PLCH1: variants seen among roughly 807,000 people sequenced by gnomAD.
PLCH1 encodes phospholipase C eta 1, also known as 1-phosphatidylinositol 4,5-bisphosphate phosphodiesterase eta-1.
A neutral mutation model predicts 126.7 loss-of-function variants in PLCH1; 60 were observed. The observed-to-expected ratio is 0.47, with a 90% CI of 0.38 to 0.59. The LOEUF is 0.59. PLCH1 is among the 20% of genes least tolerant of loss of function. PLCH1 has a pLI of 0.00. For synonymous variants in PLCH1, 719 were observed against 734.9 expected (o/e 0.98, Z 0.35); for missense variants, 1,723 against 2,040.0 (o/e 0.84, Z 2.99).
chr3:155,580,086 C>T (rs2108579369), intron 6 of PLCH1, among the ~76,000 whole-genome samples: 1 of 152,258 alleles, frequency 6.6e-6, no homozygotes, highest in Non-Finnish European at 1.5e-5. Context: ...GTTAATCAAA[C>T]CAACATTAAC....
At chr3:155,483,492 C>T (rs1560048082) in intron 22 of PLCH1, 2 of 510,950 alleles carry the variant, frequency 3.9e-6, no homozygotes, top group East Asian at 3.5e-5. Context: ...TTAGTTAAAA[C>T]AAAAAAAGAA....
intron 11 of PLCH1, among the ~76,000 whole-genome samples, chr3:155,521,201 ACT>A (rs1420502033): frequency 6.6e-6 from 1 of 152,010 alleles, no homozygotes; most frequent in Non-Finnish European, 1.5e-5. Context: ...ACACACACAC[ACT>A]TTTTTCCTTT....
chr3:155,638,897 A>C (rs1739048973), intron 2 of PLCH1, among the ~76,000 whole-genome samples: 1 of 152,222 alleles, frequency 6.6e-6, no homozygotes, highest in Non-Finnish European at 1.5e-5. Context: ...TTGGAACAAG[A>C]TCTGGGGGAA....
At chr3:155,574,337 T>A (rs1018682994) in intron 6 of PLCH1, among the ~76,000 whole-genome samples, 1 of 152,234 alleles carries the variant, frequency 6.6e-6, no homozygotes. Flanking sequence ...AACCAATGCT[T>A]GTTTTCAACC....
Position 155,481,241 on chromosome 3 carries a change from T to C in PLCH1, c.4785A>G (p.Lys1595=). The part of the protein sequence containing the change: ...AKEKQEANKQ[K]VPNPSNGAGV... ...CTGCCCCATTGCTGGGGTTTGGAACTTTCTGCTTGTTGGCTTCCTGTTTCT... is the reference window on the plus strand; with the variant it reads ...CTGCCCCATTGCTGGGGTTTGGAACCTTCTGCTTGTTGGCTTCCTGTTTCT... The change falls in exon 23 of 23, where the codon AAA becomes AAG. Residue 1595 remains lysine (K), a synonymous_variant. Coordinates refer to ENST00000460012, the MANE Select transcript of PLCH1 (RefSeq NM_014996.4). This position sits in a 1 kb window ranked among gnomAD's most constrained non-coding sequence, Gnocchi z 4.2. 2 of 1,614,228 alleles carry C rather than the reference T, an allele frequency of 1.2e-6. No homozygotes were observed. The highest frequency in any genetic ancestry group is 1.7e-6 in the Non-Finnish European group (2 of 1,180,046).
chr3:155,666,217 G>A (rs913699112), intron 2 of PLCH1, among the ~76,000 whole-genome samples: 1 of 152,230 alleles, frequency 6.6e-6, no homozygotes, highest in African/African-American at 2.4e-5. Flanking sequence ...GCCCTCCAGA[G>A]AGATGGTACT....
At chr3:155,736,087 C>T (rs565799783) in intron 1 of PLCH1, among the ~76,000 whole-genome samples, 43 of 152,286 alleles carry the variant, frequency 2.8e-4, no homozygotes, top group African/African-American at 9.9e-4. Context: ...ATTTAGTTCA[C>T]CAGATCGGAA....
At chr3:155,590,461 C>T (rs1302996887) in intron 4 of PLCH1, among the ~76,000 whole-genome samples, 1 of 152,014 alleles carries the variant, frequency 6.6e-6, no homozygotes, top group Non-Finnish European at 1.5e-5. Flanking sequence ...GCCTGTAGTC[C>T]CAGCTACTCG....
chr3:155,568,210 A>G (rs749992869), intron 7 of PLCH1, 21 bp downstream of exon 7: 3 of 1,046,104 alleles, frequency 2.9e-6, no homozygotes, highest in Non-Finnish European at 4.4e-6. Flanking sequence ...AATGAGAAAT[A>G]AAGAATATTG....
intron 1 of PLCH1, among the ~76,000 whole-genome samples, chr3:155,737,231 C>CAAAAAAAAAAAAA (rs557369057): frequency 0.058 from 3,422 of 59,216 alleles, 799 homozygotes; most frequent in Non-Finnish European, 0.081. Flanking sequence ...GCCTCCGTCT[C>CAAAAAAAAAAAAA]AAAAAAAAAA....
At chr3:155,618,816 C>A (rs983758792) in intron 2 of PLCH1, among the ~76,000 whole-genome samples, 1 of 152,116 alleles carries the variant, frequency 6.6e-6, no homozygotes, top group Non-Finnish European at 1.5e-5. Flanking sequence ...TGCTTTACAG[C>A]CTTTTTGCCA....
intron 2 of PLCH1, among the ~76,000 whole-genome samples, chr3:155,617,887 C>A (rs1052117898): frequency 6.6e-6 from 1 of 152,120 alleles, no homozygotes; most frequent in African/African-American, 2.4e-5. Context: ...CCAGGAGCCC[C>A]AAGTTAACTT....
chr3:155,589,442 AT>A (rs758262144), intron 4 of PLCH1, among the ~76,000 whole-genome samples: 2 of 152,006 alleles, frequency 1.3e-5, no homozygotes, highest in Middle Eastern at 3.4e-3. Context: ...TTTTCTTTTG[AT>A]TTTTTTTAAC....
chr3:155,567,628 T>A (rs2108526387), intron 7 of PLCH1, among the ~76,000 whole-genome samples: 1 of 152,298 alleles, frequency 6.6e-6, no homozygotes, highest in Non-Finnish European at 1.5e-5. Flanking sequence ...TTTACATATT[T>A]TAAATACATA....
intron 2 of PLCH1, among the ~76,000 whole-genome samples, chr3:155,651,388 T>C (rs1193259295): frequency 1.3e-5 from 2 of 152,070 alleles, no homozygotes; most frequent in East Asian, 3.8e-4. Context: ...AAGACAGATA[T>C]AAGTTAGGAA....
chr3:155,737,231 C>CAAAAAAAAA lies in PLCH1; in HGVS notation c.-41+7600_-41+7608dup, dbSNP rs557369057. 2.9e-4 allele frequency among the ~76,000 whole-genome samples: 17 copies of CAAAAAAAAA among 59,542 alleles called. 4 individuals carry two copies. The highest frequency in any genetic ancestry group is 3.9e-4 in the Non-Finnish European group (12 of 30,952). The allele number at this position is 59,542 out of a possible 152,430, so 39.1% of individuals were successfully genotyped here. ...TGGGTGACAGAGCAAGCCTCCGTCT[C>CAAAAAAAAA]AAAAAAAAAAAAAAAAAAGAGTATA... On this transcript the variant is annotated intron_variant, in intron 1 of 22. Transcript: ENST00000460012.
chr3:155,531,571 C>A (rs547253304), intron 10 of PLCH1, among the ~76,000 whole-genome samples: 1 of 152,286 alleles, frequency 6.6e-6, no homozygotes, highest in East Asian at 1.9e-4. Context: ...GTTGTAGTGA[C>A]CCAAGATGGC....
rs1744225195 is a variant in PLCH1 at position 155,678,016 on chromosome 3, ATC to A, written c.79+26128_79+26129del. 2.0e-5 allele frequency among the ~76,000 whole-genome samples: 3 copies of A among 152,148 alleles called. No homozygotes were observed. The South Asian group carries it at 6.2e-4, about 32-fold the overall frequency. ...AAAAAGCAAGAGGCATCTTGGGTTT[ATC>A]TCTTGCTCGGTCCTGAAAAGAGGTG... is the stretch of plus-strand genomic sequence containing the variant. On this transcript the variant is annotated intron_variant, in intron 2 of 22. Coordinates refer to ENST00000460012, the MANE Select transcript of PLCH1 (RefSeq NM_014996.4).
chr3:155,473,242 A>G (rs1447230925), intron 21 of PLCH1, among the ~76,000 whole-genome samples: 1 of 151,154 alleles, frequency 6.6e-6, no homozygotes, highest in Non-Finnish European at 1.5e-5. Context: ...CTCAGGATAC[A>G]AAATCAATGT....
Sources: allele counts gnomAD v4.1 joint callset (sites outside exome capture counted in the v4.1 genomes callset), GRCh38; gene constraint gnomAD v4.1.1; non-coding constraint Gnocchi (gnomAD v3.1); transcripts MANE v1.5; gene names NCBI Gene and HGNC (gene_info 2026-07-23, HGNC 2026-07-21).